The following NRXN1 variants were observed in gnomAD, a reference collection of about 807,000 sequenced individuals.
NRXN1 encodes the protein neurexin 1.
In NRXN1, 39 loss-of-function variants were observed where a neutral mutation model predicts 150.9. The observed-to-expected ratio is 0.26, with a 90% CI of 0.20 to 0.34. The LOEUF is 0.34. Ranked by LOEUF, NRXN1 falls within the 10% of genes least tolerant of loss-of-function variation. The pLI is 1.00. For missense variants in NRXN1, 1,815 were observed against 1,949.9 expected, an observed-to-expected ratio of 0.93 and a Z score of 1.30; for synonymous variants, 924 against 757.0, an observed-to-expected ratio of 1.22 and a Z score of -3.62.
At chr2:50,892,797 T>C (rs1292691199) in intron 5 of NRXN1, among the ~76,000 whole-genome samples, 1 of 152,188 alleles carries the variant, frequency 6.6e-6, no homozygotes, top group Non-Finnish European at 1.5e-5. Flanking sequence ...GGAGCAGCCA[T>C]TAACATGTGC....
chr2:50,381,187 C>T (rs2080932191), intron 17 of NRXN1, among the ~76,000 whole-genome samples: 1 of 151,702 alleles, frequency 6.6e-6, no homozygotes, highest in African/African-American at 2.4e-5. Context: ...TATGGACATT[C>T]AAAAGCCTAG....
At chr2:50,655,931 T>C (rs975228374) in intron 5 of NRXN1, among the ~76,000 whole-genome samples, 1 of 151,950 alleles carries the variant, frequency 6.6e-6, no homozygotes, top group African/African-American at 2.4e-5. Context: ...TGTGGTGTAA[T>C]TAAACTCAAA....
chr2:49,971,484 GTT>G (rs1281363877), intron 21 of NRXN1, among the ~76,000 whole-genome samples: 4 of 152,148 alleles, frequency 2.6e-5, no homozygotes, highest in South Asian at 4.1e-4. Flanking sequence ...GACTCTTGTA[GTT>G]TCATTCCATT....
chr2:50,451,030 C>A (rs1312276437), intron 17 of NRXN1, among the ~76,000 whole-genome samples: 1 of 152,152 alleles, frequency 6.6e-6, no homozygotes, highest in Admixed American at 6.6e-5. Flanking sequence ...AGTGCAGTGG[C>A]ATCATCACTC....
intron 2 of NRXN1, among the ~76,000 whole-genome samples, chr2:50,937,211 T>C (rs556508251): frequency 1.3e-5 from 2 of 152,188 alleles, no homozygotes; most frequent in African/African-American, 4.8e-5. Context: ...TATTTAATGA[T>C]GTTAGCCATT....
rs373257438 is a variant in NRXN1, at chr2:50,623,470, T to C, written c.978A>G (p.Lys326=). 3.1e-6 allele frequency: 5 copies of C among 1,613,390 alleles called. No individual in the cohort carries two copies. The African/African-American group carries it at 5.3e-5, about 17-fold the overall frequency. The change falls in exon 6 of 23, where the codon AAA becomes AAG. Residue 326 remains lysine, a synonymous_variant. Transcript: ENST00000401669. ...QRNGLMLHTG[K]SADYVNLALK... The stretch of plus-strand genomic sequence containing the variant: ...GGGCAAGATTGACATAATCAGCCGA[T>C]TTCCCAGTGTGAAGCATCAGTCCAT...
intron 17 of NRXN1, among the ~76,000 whole-genome samples, chr2:50,288,030 T>C (rs2072418921): frequency 6.6e-6 from 1 of 152,122 alleles, no homozygotes; most frequent in Admixed American, 6.6e-5. Context: ...GTATGTATTA[T>C]TGATGCACAA....
At chr2:50,465,376 C>T in intron 17 of NRXN1, 66 bp downstream of exon 17, 4 of 1,471,072 alleles carry the variant, frequency 2.7e-6, no homozygotes, top group Non-Finnish European at 1.8e-6. Flanking sequence ...CAGTGTTAGA[C>T]TTTAGATATC....
chr2:50,719,848 T>C (rs1696403798), intron 5 of NRXN1, among the ~76,000 whole-genome samples: 2 of 152,198 alleles, frequency 1.3e-5, no homozygotes, highest in South Asian at 4.1e-4. Flanking sequence ...CCTACTTAAA[T>C]GCTTTCCTTA....
At chr2:50,619,741 C>G in intron 8 of NRXN1, 1 of 410,336 alleles carries the variant, frequency 2.4e-6, no homozygotes, top group Non-Finnish European at 4.3e-6. Flanking sequence ...GACCCAGTAT[C>G]TCTTTTTGTT....
At position 49,970,829 on chromosome 2, in the gene NRXN1, A is replaced by G. The variant is rs558892215; in HGVS notation, c.4129-27038T>C. On this transcript the variant is annotated intron_variant, in intron 21 of 22. Transcript: ENST00000401669. ...AAGCAAATGGATGCCATTTTTTTCT[A>G]TCTATTGGTGTTTGAGTCCATAAAC... Among the ~76,000 whole-genome samples the G allele has an allele frequency of 1.2e-4, 19 of 152,164 alleles. 1 individual carries two copies. The South Asian group carries it at 2.1e-3, about 17-fold the overall frequency.
intron 5 of NRXN1, among the ~76,000 whole-genome samples, chr2:50,634,711 T>C (rs1474973263): frequency 6.6e-6 from 1 of 152,168 alleles, no homozygotes; most frequent in Non-Finnish European, 1.5e-5. Context: ...AGGAGGAAGA[T>C]GTAGTATGCC....
intron 17 of NRXN1, among the ~76,000 whole-genome samples, chr2:50,427,652 G>C (rs958692614): frequency 6.6e-6 from 1 of 152,174 alleles, no homozygotes; most frequent in Non-Finnish European, 1.5e-5. Flanking sequence ...CTCTTGTCCA[G>C]AAAATTTAGA....
At chr2:50,771,672 T>C (rs981149579) in intron 5 of NRXN1, among the ~76,000 whole-genome samples, 25 of 152,148 alleles carry the variant, frequency 1.6e-4, no homozygotes, top group Non-Finnish European at 5.9e-5. Flanking sequence ...GGCTGGAATC[T>C]TGGAAGTCTG....
intron 17 of NRXN1, among the ~76,000 whole-genome samples, chr2:50,383,907 C>T (rs559259071): frequency 6.6e-6 from 1 of 152,332 alleles, no homozygotes; most frequent in East Asian, 1.9e-4. Context: ...AGCTAATCTT[C>T]CATCCTTCTG....
chr2:50,961,984 A>G (rs1575065129), intron 2 of NRXN1, among the ~76,000 whole-genome samples: 1 of 151,774 alleles, frequency 6.6e-6, no homozygotes, highest in Middle Eastern at 3.4e-3. Flanking sequence ...AGAAGAAGAA[A>G]AATTTAAATA....
chr2:50,186,459 A>T (rs1490905049), intron 18 of NRXN1, among the ~76,000 whole-genome samples: 1 of 152,102 alleles, frequency 6.6e-6, no homozygotes, highest in African/African-American at 2.4e-5. Context: ...AAGTTACATC[A>T]TCAGGGTCCT....
intron 17 of NRXN1, among the ~76,000 whole-genome samples, chr2:50,390,029 T>A (rs373552389): frequency 3.3e-5 from 5 of 152,180 alleles, no homozygotes; most frequent in Non-Finnish European, 7.4e-5. Flanking sequence ...ATCTTATACT[T>A]GATTTTATAT....
In NRXN1 at chr2:50,832,954, A is replaced by G. The variant is rs559344245; in HGVS notation, c.832+88915T>C. On this transcript the variant is annotated intron_variant, in intron 5 of 22. Transcript: ENST00000401669. ...GACTTGAATTCAGACTATATAAGGAATTCTCAAATGTCAACATTCAGAAAA... is the reference window on the plus strand; with the variant it reads ...GACTTGAATTCAGACTATATAAGGAGTTCTCAAATGTCAACATTCAGAAAA... 2.6e-5 allele frequency among the ~76,000 whole-genome samples: 4 copies of G among 152,358 alleles called. No individual in the cohort carries two copies. In the South Asian group the frequency reaches 8.3e-4, roughly 32 times the overall value.
Sources: gnomAD v4.1 joint callset for allele counts (sites outside exome capture counted in the v4.1 genomes callset) on GRCh38, gnomAD v4.1.1 for gene constraint, MANE v1.5 for transcripts, NCBI Gene and HGNC (gene_info 2026-07-23, HGNC 2026-07-21) for gene names.